BRINP3: variants seen among roughly 807,000 people sequenced by gnomAD.
The protein encoded by BRINP3 is BMP/retinoic acid inducible neural specific 3.
Under a neutral mutation model 71.0 loss-of-function variants are expected in BRINP3, and 19 were observed. The observed-to-expected ratio is 0.27, with a 90% CI of 0.19 to 0.39. The LOEUF is 0.39. BRINP3 is among the 10% of genes least tolerant of loss of function. BRINP3 has a pLI of 1.00. For synonymous variants in BRINP3, 380 were observed against 337.7 expected (o/e 1.13, Z -1.37); for missense variants, 959 against 940.8 (o/e 1.02, Z -0.25).
chr1:190,433,019 A>G (rs1674204486), intron 2 of BRINP3, among the ~76,000 whole-genome samples: 1 of 152,184 alleles, frequency 6.6e-6, no homozygotes, highest in South Asian at 2.1e-4. Flanking sequence ...GAGACCAAAA[A>G]AATCTATTTT....
chr1:190,382,723 T>C (rs534435512), intron 2 of BRINP3, among the ~76,000 whole-genome samples: 1 of 152,156 alleles, frequency 6.6e-6, no homozygotes, highest in Non-Finnish European at 1.5e-5. Context: ...TTAAAAAAAT[T>C]ATCATTGTAT....
intron 7 of BRINP3, among the ~76,000 whole-genome samples, chr1:190,118,102 T>C (rs1417170467): frequency 6.6e-6 from 1 of 150,650 alleles, no homozygotes; most frequent in Non-Finnish European, 1.5e-5. Context: ...TATGTTTTAG[T>C]CTTAAATTAA....
At chr1:190,177,371 G>T (rs1652636072) in intron 6 of BRINP3, among the ~76,000 whole-genome samples, 1 of 144,118 alleles carries the variant, frequency 6.9e-6, no homozygotes. Context: ...GTAGAGACGG[G>T]GTTTCACCGT....
chr1:190,206,437 A>C (rs1270969060), intron 6 of BRINP3, among the ~76,000 whole-genome samples: 1 of 152,062 alleles, frequency 6.6e-6, no homozygotes, highest in African/African-American at 2.4e-5. Context: ...TATAAATATA[A>C]ATTTCAAGAC....
intron 7 of BRINP3, among the ~76,000 whole-genome samples, chr1:190,109,179 C>A (rs996963589): frequency 6.6e-6 from 1 of 151,864 alleles, no homozygotes; most frequent in Admixed American, 6.6e-5. Flanking sequence ...TAAAATGATT[C>A]TTTGGAGGAT....
chr1:190,271,093 T>G (rs1376583162), intron 3 of BRINP3, among the ~76,000 whole-genome samples: 1 of 151,674 alleles, frequency 6.6e-6, no homozygotes, highest in East Asian at 1.9e-4. Context: ...TCCCTTTGTA[T>G]GGTAGTGAAT....
intron 6 of BRINP3, among the ~76,000 whole-genome samples, chr1:190,175,692 G>C (rs1652439910): frequency 6.6e-6 from 1 of 152,052 alleles, no homozygotes; most frequent in Admixed American, 6.6e-5. Flanking sequence ...ACTCCTTATA[G>C]GACATGAAAA....
intron 2 of BRINP3, among the ~76,000 whole-genome samples, chr1:190,357,685 G>C (rs1668828264): frequency 6.6e-6 from 1 of 151,920 alleles, no homozygotes; most frequent in South Asian, 2.1e-4. Flanking sequence ...CTTTAAAGTA[G>C]TTTTTTCCAA....
chr1:190,380,842 A>G (rs1380622611), intron 2 of BRINP3, among the ~76,000 whole-genome samples: 1 of 152,186 alleles, frequency 6.6e-6, no homozygotes, highest in Non-Finnish European at 1.5e-5. Context: ...AGCTTACAAA[A>G]TTAGCAAATA....
intron 2 of BRINP3, among the ~76,000 whole-genome samples, chr1:190,384,971 G>C (rs1280113016): frequency 6.6e-6 from 1 of 150,650 alleles, no homozygotes; most frequent in Non-Finnish European, 1.5e-5. Context: ...AATGGGGAAA[G>C]GATTCCCTAT....
intron 2 of BRINP3, among the ~76,000 whole-genome samples, chr1:190,327,250 G>A (rs1462099851): frequency 2.1e-5 from 3 of 141,062 alleles, no homozygotes; most frequent in African/African-American, 7.7e-5. Flanking sequence ...AGGAGGCGGA[G>A]GTTGCAGGGA....
intron 2 of BRINP3, among the ~76,000 whole-genome samples, chr1:190,402,092 A>T (rs1175389397): frequency 6.6e-6 from 1 of 152,124 alleles, no homozygotes; most frequent in Non-Finnish European, 1.5e-5. Context: ...CATACTTATC[A>T]CTAGAAGAAT....
chr1:190,328,681 C>T (rs1202997129), intron 2 of BRINP3, among the ~76,000 whole-genome samples: 5 of 145,306 alleles, frequency 3.4e-5, no homozygotes, highest in African/African-American at 7.7e-5. Flanking sequence ...TCTATGAAGC[C>T]AGCATTACCC....
intron 4 of BRINP3, among the ~76,000 whole-genome samples, chr1:190,242,844 G>C (rs1268044241): frequency 6.6e-6 from 1 of 152,002 alleles, no homozygotes; most frequent in Non-Finnish European, 1.5e-5. Context: ...TAAACTGAAG[G>C]TTACGTGAGA....
chr1:190,357,399 C>A (rs961016618), intron 2 of BRINP3, among the ~76,000 whole-genome samples: 1 of 151,934 alleles, frequency 6.6e-6, no homozygotes, highest in African/African-American at 2.4e-5. Flanking sequence ...ATTTACTTAA[C>A]TGTCTACATG....
intron 7 of BRINP3, among the ~76,000 whole-genome samples, chr1:190,127,421 T>C (rs1654176573): frequency 6.6e-6 from 1 of 151,922 alleles, no homozygotes; most frequent in Admixed American, 6.6e-5. Context: ...AAAAGATCAG[T>C]TGTTTTTCAA....
At chr1:190,375,985 A>G (rs756590030) in intron 2 of BRINP3, among the ~76,000 whole-genome samples, 3 of 152,052 alleles carry the variant, frequency 2.0e-5, no homozygotes, top group Non-Finnish European at 4.4e-5. Context: ...TATATATTAT[A>G]GGCTTTTCTG....
intron 4 of BRINP3, 122 bp downstream of exon 4, chr1:190,264,743 A>T (rs545209847): frequency 1.4e-6 from 1 of 715,006 alleles, no homozygotes; most frequent in African/African-American, 1.9e-5. Flanking sequence ...AGAAAATTGT[A>T]AATATATTTT....
intron 2 of BRINP3, among the ~76,000 whole-genome samples, chr1:190,365,806 G>GTGTGTATATATATATA (rs913644308): frequency 6.3e-5 from 8 of 127,872 alleles, no homozygotes; most frequent in Admixed American, 5.9e-4. Flanking sequence ...GAGAGCAAGT[G>GTGTGTATATATATATA]TATATATATA....
Sources: gnomAD v4.1 joint callset for allele counts (sites outside exome capture counted in the v4.1 genomes callset) on GRCh38, gnomAD v4.1.1 for gene constraint, MANE v1.5 for transcripts, NCBI Gene and HGNC (gene_info 2026-07-23, HGNC 2026-07-21) for gene names.